DNAH9: variants seen among roughly 807,000 people sequenced by gnomAD.
DNAH9 encodes DNAH9 variant protein.
DNAH9 carries 345 observed loss-of-function variants against 471.6 expected under a neutral mutation model. The observed-to-expected ratio is 0.73, with a 90% CI of 0.67 to 0.80. The LOEUF (loss-of-function observed/expected upper bound fraction) is 0.80, where lower values mean the gene tolerates loss of function less well. DNAH9 is among the 30% of genes least tolerant of loss of function. The probability of loss-of-function intolerance (pLI) is 0.00; values close to 1 mark genes in which losing one functional copy is unlikely to be tolerated. For missense variants in DNAH9, 5,407 were observed against 5,609.2 expected (o/e 0.96, Z 1.15); for synonymous variants, 2,093 against 2,123.6 (o/e 0.99, Z 0.40).
chr17:11,762,770 G>GTTTGTTTGTTTTTTTTTTTTTTTT (rs1193246497), intron 35 of DNAH9, among the ~76,000 whole-genome samples: 1 of 90,744 alleles, frequency 1.1e-5, no homozygotes, highest in African/African-American at 4.1e-5. Flanking sequence ...TTTTTTTTTT[G>GTTTGTTTGTTTTTTTTTTTTTTTT]TTTTTTTTTT....
At chr17:11,784,264 A>G (rs531769899) in intron 40 of DNAH9, 36 bp from the exon 41 acceptor site, 1 of 1,609,044 alleles carries the variant, frequency 6.2e-7, no homozygotes, top group East Asian at 2.2e-5. Flanking sequence ...CTCCGTGGTA[A>G]CGGATGTTGA....
At position 11,598,522 on chromosome 17, in the gene DNAH9, C is replaced by T. The variant is rs751934212; in HGVS notation, c.24C>T (p.Ala8=). 2.0e-5 allele frequency: 27 copies of T among 1,345,692 alleles called. No individual in the cohort carries two copies. The highest frequency in any genetic ancestry group is 2.4e-5 in the Non-Finnish European group (25 of 1,043,844). The allele number at this position is 1,345,692 out of a possible 1,614,324, so 83.4% of individuals were successfully genotyped here. Residue 8 remains alanine, a synonymous_variant, in exon 1 of 69, where the codon GCC becomes GCT. Coordinates refer to ENST00000262442, the MANE Select transcript of DNAH9 (RefSeq NM_001372.4). ...CGATGCGGCTCGCGGAGGAGCGGGC[C>T]GCGCTCGCGGCGGAGAACGCGGATG... MRLAEER[A]ALAAENADGE... is the part of the protein sequence containing the mutation.
chr17:11,611,559 C>A, intron 3 of DNAH9, 91 bp from the exon 4 acceptor site: 2 of 1,335,752 alleles, frequency 1.5e-6, no homozygotes, highest in South Asian at 1.3e-5. Context: ...CGAGGCAGGG[C>A]TCCTCTCTTT....
chr17:11,802,464 A>G (rs756733385), intron 43 of DNAH9, among the ~76,000 whole-genome samples: 7 of 152,040 alleles, frequency 4.6e-5, no homozygotes, highest in Admixed American at 6.6e-5. Context: ...CCCCATCTCT[A>G]CTAAAAATAC....
At chr17:11,881,575 C>T (rs546909728) in intron 55 of DNAH9, among the ~76,000 whole-genome samples, 162 bp downstream of exon 55, 1 of 152,064 alleles carries the variant, frequency 6.6e-6, no homozygotes, top group Non-Finnish European at 1.5e-5. Context: ...GAATACCATA[C>T]TGGGGAAAGA....
intron 1 of DNAH9, among the ~76,000 whole-genome samples, chr17:11,606,291 A>G (rs968584759): frequency 5.9e-5 from 9 of 151,732 alleles, no homozygotes; most frequent in African/African-American, 2.2e-4. Context: ...ATGAGTTCAT[A>G]TTTCCTTTTG....
In DNAH9 at chr17:11,787,750, T is replaced by G. The variant is rs1968923304; in HGVS notation, c.8061+3211T>G. The stretch of plus-strand genomic sequence containing the variant: ...GACCAGTGAGAGATAATTGGAACCA[T>G]GGGGGCAGTTTTTCCCATACTGTTC... On this transcript the variant is annotated intron_variant, in intron 41 of 68. Coordinates refer to ENST00000262442, the MANE Select transcript of DNAH9 (RefSeq NM_001372.4). Among the ~76,000 whole-genome samples the G allele has an allele frequency of 3.3e-5, 5 of 152,172 alleles. No homozygotes were observed. In the South Asian group the frequency reaches 1.0e-3, roughly 32 times the overall value.
intron 27 of DNAH9, among the ~76,000 whole-genome samples, chr17:11,725,747 A>G (rs1245883342): frequency 1.3e-5 from 2 of 152,130 alleles, no homozygotes; most frequent in Non-Finnish European, 2.9e-5. Flanking sequence ...CACGCCTGTA[A>G]TCTTAGCTAC....
Position 11,902,769 on chromosome 17 carries a change from A to G in DNAH9, c.11457A>G (p.Gly3819=). Residue 3819 remains glycine, a synonymous_variant, in exon 60 of 69, where the codon GGA becomes GGG. Transcript: ENST00000262442. ...CTAATCTGGATCGGGACATAGAGGG[A>G]TCTGCTAAGAGCTGGAAAAAGTTTG... ...EFSNLDRDIE[G]SAKSWKKFVE... The G allele has an allele frequency of 6.2e-7, 1 of 1,614,064 alleles. No homozygotes were observed. Among genetic ancestry groups the G allele is most frequent in the Non-Finnish European group, 8.5e-7 (1 of 1,179,898 alleles).
At chr17:11,737,195 C>G (rs1447101253) in intron 28 of DNAH9, among the ~76,000 whole-genome samples, 1 of 152,216 alleles carries the variant, frequency 6.6e-6, no homozygotes, top group Non-Finnish European at 1.5e-5. Flanking sequence ...GCTGTGAGCT[C>G]AAACGCATAC....
At chr17:11,874,813 G>C (rs1254676925) in intron 52 of DNAH9, 136 bp from the exon 53 acceptor site, 1 of 671,038 alleles carries the variant, frequency 1.5e-6, no homozygotes, top group Non-Finnish European at 2.6e-6. Context: ...TAATCACACA[G>C]CCAGAAAGGC....
rs1371433154 is a variant in DNAH9, at chr17:11,699,310, G to C, written c.4873-421G>C. On this transcript the variant is annotated intron_variant, in intron 22 of 68. Transcript: ENST00000262442. ...TCCACAGGCCACTGCCGCCACCACT[G>C]TTGACTCACCAGATTCAATGTATGT... Among the ~76,000 whole-genome samples the C allele has an allele frequency of 2.0e-5, 3 of 152,154 alleles. No homozygotes were observed. The East Asian group carries it at 5.8e-4, about 29-fold the overall frequency.
chr17:11,963,139 TAAG>T (rs975227085), intron 68 of DNAH9, among the ~76,000 whole-genome samples: 3 of 111,884 alleles, frequency 2.7e-5, no homozygotes, highest in Admixed American at 9.1e-5. Context: ...AGTGCCCTTA[TAAG>T]AAGACACACA....
intron 41 of DNAH9, among the ~76,000 whole-genome samples, chr17:11,789,292 A>G (rs1968981300): frequency 6.6e-6 from 1 of 151,926 alleles, no homozygotes; most frequent in Non-Finnish European, 1.5e-5. Context: ...GCTTTCCTTA[A>G]ATGTTGGAAG....
intron 38 of DNAH9, among the ~76,000 whole-genome samples, chr17:11,778,218 C>A (rs759178194): frequency 6.7e-6 from 1 of 149,774 alleles, no homozygotes; most frequent in Non-Finnish European, 1.5e-5. Flanking sequence ...AACAACTACT[C>A]GGGAGGCTAA....
intron 28 of DNAH9, among the ~76,000 whole-genome samples, chr17:11,736,899 C>T (rs2075356985): frequency 6.6e-6 from 1 of 152,204 alleles, no homozygotes; most frequent in African/African-American, 2.4e-5. Context: ...CTTATAAACG[C>T]TAATTAAACT....
Position 11,742,175 on chromosome 17 carries a change from G to A in DNAH9, c.5973G>A (p.Arg1991=). ...ELPENLKSLF[R]PCAMVVPDFE... is the part of the protein sequence containing the mutation. ...GGGCCTTCTGTCTTTCTATACTCAG[G>A]CCTTGTGCAATGGTGGTTCCAGACT... Residue 1991 remains arginine, a splice_region_variant and synonymous_variant, in exon 30 of 69, where the codon AGG becomes AGA. Transcript: ENST00000262442. 1.9e-6 allele frequency: 3 copies of A among 1,613,956 alleles called. No homozygotes were observed. Among genetic ancestry groups the A allele is most frequent in the Non-Finnish European group, 2.5e-6 (3 of 1,179,910 alleles).
At chr17:11,816,975 C>T (rs994714350) in intron 45 of DNAH9, among the ~76,000 whole-genome samples, 3 of 151,880 alleles carry the variant, frequency 2.0e-5, no homozygotes, top group African/African-American at 2.4e-5. Flanking sequence ...AGGAGAATGG[C>T]GTGAACCCAG....
At chr17:11,790,203 TA>T (rs898669767) in intron 41 of DNAH9, among the ~76,000 whole-genome samples, 46 of 152,064 alleles carry the variant, frequency 3.0e-4, no homozygotes, top group Admixed American at 1.4e-3. Context: ...TCATGTTGTT[TA>T]AAAAATTCCT....
Sources: gnomAD v4.1 joint callset for allele counts (sites outside exome capture counted in the v4.1 genomes callset) on GRCh38, gnomAD v4.1.1 for gene constraint, MANE v1.5 for transcripts, NCBI Gene and HGNC (gene_info 2026-07-23, HGNC 2026-07-21) for gene names.